The following GALNT13 variants were observed in gnomAD, a reference collection of about 807,000 sequenced individuals.
GALNT13 encodes UDP-GalNAc:polypeptide N-acetylgalactosaminyltransferase 13.
GALNT13 carries 28 observed loss-of-function variants against 64.2 expected under a neutral mutation model. The ratio of observed to expected loss-of-function variants is 0.44; its 90% confidence interval spans 0.32 to 0.60. The LOEUF is 0.60. Among genes scored for constraint, GALNT13 ranks in the 20% least tolerant of loss-of-function variants. The probability of loss-of-function intolerance (pLI) is 0.05; values close to 1 mark genes in which losing one functional copy is unlikely to be tolerated. For missense variants in GALNT13, 577 were observed against 669.8 expected, an observed-to-expected ratio of 0.86 and a Z score of 1.53; for synonymous variants, 214 against 224.6, an observed-to-expected ratio of 0.95 and a Z score of 0.42.
At chr2:154,417,444 T>C (rs1453197739) in intron 11 of GALNT13, among the ~76,000 whole-genome samples, 1 of 151,132 alleles carries the variant, frequency 6.6e-6, no homozygotes, top group Non-Finnish European at 1.5e-5. Flanking sequence ...GTTTTTCTTA[T>C]AGCTTTGCCT....
At chr2:154,357,514 G>C (rs1696818490) in intron 9 of GALNT13, among the ~76,000 whole-genome samples, 1 of 152,022 alleles carries the variant, frequency 6.6e-6, no homozygotes, top group Non-Finnish European at 1.5e-5. Context: ...AAATTATTTA[G>C]CTAGCTGAGT....
chr2:153,981,533 C>T (rs1694462362), intron 3 of GALNT13, among the ~76,000 whole-genome samples: 1 of 152,146 alleles, frequency 6.6e-6, no homozygotes, highest in Non-Finnish European at 1.5e-5. Flanking sequence ...CATGTCCCTA[C>T]AAAGGACATG....
the GALNT13 span, among the ~76,000 whole-genome samples, chr2:153,523,679 C>G: frequency 6.6e-6 from 1 of 152,162 alleles, no homozygotes; most frequent in Non-Finnish European, 1.5e-5. Context: ...GGCAATCATG[C>G]TGTAATCACT....
At chr2:154,357,454 G>A (rs1039089683) in intron 9 of GALNT13, among the ~76,000 whole-genome samples, 1 of 152,016 alleles carries the variant, frequency 6.6e-6, no homozygotes, top group Non-Finnish European at 1.5e-5. Flanking sequence ...TACATGCACA[G>A]TGTAAGAAGT....
At chr2:153,387,023 TTA>T in the GALNT13 span, among the ~76,000 whole-genome samples, 1 of 152,120 alleles carries the variant, frequency 6.6e-6, no homozygotes, top group Non-Finnish European at 1.5e-5. Flanking sequence ...CTCACAGAAG[TTA>T]TGATTTAGAA....
intron 3 of GALNT13, among the ~76,000 whole-genome samples, chr2:154,004,923 T>C (rs984861426): frequency 2.0e-5 from 3 of 152,214 alleles, no homozygotes; most frequent in African/African-American, 7.2e-5. Context: ...CAGAAAATAG[T>C]ATTTAATCCC....
At chr2:153,291,802 T>G in the GALNT13 span, among the ~76,000 whole-genome samples, 11 of 150,130 alleles carry the variant, frequency 7.3e-5, no homozygotes, top group South Asian at 8.4e-4. Flanking sequence ...CTTTCAAATG[T>G]GTGTAAAAGT....
rs368999161 is a variant in GALNT13, at chr2:154,300,117, T to TTTA, written c.976-1292_976-1291insTTA. Among the ~76,000 whole-genome samples the TTTA allele has an allele frequency of 4.5e-3, 669 of 148,288 alleles. 11 individuals are homozygous for TTTA. The highest frequency in any genetic ancestry group is 0.016 in the African/African-American group (632 of 40,090). ...TTTCTCTCTTTTTTTTTTTTTTTTT[T>TTTA]GAGATAGAGTTTCGCTTTTGTCACC... On this transcript the variant is annotated intron_variant, in intron 8 of 12. Transcript: ENST00000392825.
chr2:153,602,851 T>C, the GALNT13 span, among the ~76,000 whole-genome samples: 1 of 151,738 alleles, frequency 6.6e-6, no homozygotes, highest in Non-Finnish European at 1.5e-5. Flanking sequence ...AGGAAAAAAG[T>C]AAGCTGTAAA....
At chr2:154,040,304 A>G (rs1698902793) in intron 3 of GALNT13, among the ~76,000 whole-genome samples, 1 of 141,112 alleles carries the variant, frequency 7.1e-6, no homozygotes, top group Non-Finnish European at 1.6e-5. Context: ...TTAAAGCCCA[A>G]ACCAAATGTG....
the GALNT13 span, among the ~76,000 whole-genome samples, chr2:153,656,245 A>G: frequency 6.6e-6 from 1 of 152,008 alleles, no homozygotes; most frequent in Non-Finnish European, 1.5e-5. Context: ...CACACATTTC[A>G]ACTATGGTGA....
chr2:154,245,229 A>C (rs989112642), intron 6 of GALNT13, among the ~76,000 whole-genome samples: 3 of 152,136 alleles, frequency 2.0e-5, no homozygotes, highest in African/African-American at 4.8e-5. Context: ...ATTTGAGGAC[A>C]TTTTACTCAG....
intron 8 of GALNT13, among the ~76,000 whole-genome samples, chr2:154,279,263 C>T (rs1410092302): frequency 6.6e-6 from 1 of 152,118 alleles, no homozygotes; most frequent in African/African-American, 2.4e-5. Context: ...ATCAAACTCA[C>T]ATCTCCTGAC....
chr2:154,191,278 C>G (rs1466074767), intron 4 of GALNT13, among the ~76,000 whole-genome samples: 1 of 152,186 alleles, frequency 6.6e-6, no homozygotes. Context: ...CACACACACA[C>G]CACTTAAATT....
intron 3 of GALNT13, among the ~76,000 whole-genome samples, chr2:154,132,208 A>G (rs935877465): frequency 1.3e-5 from 2 of 152,184 alleles, no homozygotes; most frequent in African/African-American, 4.8e-5. Context: ...TTGACACTCA[A>G]TATTAACCAT....
At chr2:154,176,111 A>G (rs1284656083) in intron 4 of GALNT13, among the ~76,000 whole-genome samples, 3 of 152,102 alleles carry the variant, frequency 2.0e-5, no homozygotes, top group African/African-American at 7.2e-5. Context: ...AAATATACAC[A>G]CAGACACAAA....
At chr2:153,741,470 A>G in the GALNT13 span, among the ~76,000 whole-genome samples, 2 of 152,038 alleles carry the variant, frequency 1.3e-5, no homozygotes, top group South Asian at 2.1e-4. Context: ...GGTTTTGCAT[A>G]TAGTCTATGT....
chr2:153,421,082 G>A, the GALNT13 span: 4 of 244,646 alleles, frequency 1.6e-5, no homozygotes, highest in Non-Finnish European at 3.5e-5. Flanking sequence ...AGTAAGCCAT[G>A]TATTTACCAT....
the GALNT13 span, among the ~76,000 whole-genome samples, chr2:153,510,177 C>T: frequency 3.3e-5 from 5 of 152,084 alleles, no homozygotes; most frequent in African/African-American, 1.2e-4. Flanking sequence ...CACAATATTG[C>T]AATATCATTT....
Sources: gnomAD v4.1 joint callset for allele counts (sites outside exome capture counted in the v4.1 genomes callset) on GRCh38, gnomAD v4.1.1 for gene constraint, MANE v1.5 for transcripts, NCBI Gene and HGNC (gene_info 2026-07-23, HGNC 2026-07-21) for gene names.